COL24A1: variants seen among roughly 807,000 people sequenced by gnomAD.
COL24A1 encodes collagen alpha-1(XXIV) chain.
In COL24A1, 224 loss-of-function variants were observed where a neutral mutation model predicts 253.9. That is an observed-to-expected ratio of 0.88 (90% CI 0.79 to 0.99). The LOEUF is 0.99. COL24A1 is among the 50% of genes least tolerant of loss of function. The pLI, the probability that COL24A1 is intolerant of heterozygous loss-of-function variation, is 0.00. For missense variants in COL24A1, 2,131 were observed against 2,068.5 expected (o/e 1.03, Z -0.59); for synonymous variants, 685 against 673.7 (o/e 1.02, Z -0.26).
intron 24 of COL24A1, among the ~76,000 whole-genome samples, chr1:85,927,814 A>AGG (rs1175986937): frequency 8.5e-6 from 1 of 117,092 alleles, no homozygotes; most frequent in African/African-American, 3.3e-5. Flanking sequence ...ACCCCCCAGC[A>AGG]GGGGCACACT....
chr1:85,795,656 T>G (rs572641377), intron 47 of COL24A1, among the ~76,000 whole-genome samples: 1 of 152,236 alleles, frequency 6.6e-6, no homozygotes, highest in East Asian at 1.9e-4. Flanking sequence ...GTTTTTTCCT[T>G]TCTCTTCTGC....
intron 43 of COL24A1, among the ~76,000 whole-genome samples, chr1:85,827,668 G>A (rs1366840362): frequency 7.2e-5 from 11 of 151,872 alleles, no homozygotes; most frequent in Admixed American, 3.3e-4. Context: ...TGTATGTGTC[G>A]AGGAATTTAT....
At chr1:86,045,462 C>T (rs952897748) in intron 12 of COL24A1, among the ~76,000 whole-genome samples, 3 of 151,770 alleles carry the variant, frequency 2.0e-5, no homozygotes, top group Non-Finnish European at 4.4e-5. Context: ...GAAAACAAAC[C>T]ACCTATTGTT....
chr1:86,005,085 A>G (rs1357589689), intron 19 of COL24A1, among the ~76,000 whole-genome samples: 1 of 151,988 alleles, frequency 6.6e-6, no homozygotes, highest in Non-Finnish European at 1.5e-5. Flanking sequence ...GGAATGTAAA[A>G]TGGACAGTGA....
At chr1:86,040,190 A>G (rs1699353823) in intron 12 of COL24A1, among the ~76,000 whole-genome samples, 1 of 152,096 alleles carries the variant, frequency 6.6e-6, no homozygotes, top group Admixed American at 6.6e-5. Flanking sequence ...GTCCCACCTT[A>G]TTCTTGCCAT....
At chr1:86,144,811 C>A (rs1651651494) in intron 2 of COL24A1, among the ~76,000 whole-genome samples, 2 of 151,864 alleles carry the variant, frequency 1.3e-5, no homozygotes, top group African/African-American at 4.8e-5. Context: ...ATTACAAAAC[C>A]CTGTGATGAG....
chr1:85,821,908 G>A (rs1041015695), intron 45 of COL24A1, among the ~76,000 whole-genome samples: 2 of 152,182 alleles, frequency 1.3e-5, no homozygotes, highest in Admixed American at 1.3e-4. Flanking sequence ...AAATATGAAA[G>A]TATTAATTGT....
At chr1:85,758,471 A>G (rs1286393525) in intron 55 of COL24A1, among the ~76,000 whole-genome samples, 2 of 152,130 alleles carry the variant, frequency 1.3e-5, no homozygotes, top group Non-Finnish European at 2.9e-5. Context: ...TAACTTTGAC[A>G]TCATATGGCA....
At chr1:86,127,320 T>C (rs1056146756) in intron 2 of COL24A1, among the ~76,000 whole-genome samples, 1 of 152,134 alleles carries the variant, frequency 6.6e-6, no homozygotes, top group African/African-American at 2.4e-5. Flanking sequence ...TTATTATTCA[T>C]CGTAATATTA....
At chr1:86,044,208 A>C (rs1699727999) in intron 12 of COL24A1, among the ~76,000 whole-genome samples, 1 of 152,198 alleles carries the variant, frequency 6.6e-6, no homozygotes, top group Non-Finnish European at 1.5e-5. Context: ...GAAGTACAAG[A>C]ATCCTATGGT....
intron 5 of COL24A1, among the ~76,000 whole-genome samples, chr1:86,099,626 C>CTA (rs1284066619): frequency 4.6e-5 from 7 of 152,146 alleles, no homozygotes; most frequent in African/African-American, 1.7e-4. Context: ...CTCTTTCACA[C>CTA]TATATATGTA....
chr1:85,926,162 A>T (rs1325741347), intron 24 of COL24A1, among the ~76,000 whole-genome samples: 1 of 152,208 alleles, frequency 6.6e-6, no homozygotes, highest in African/African-American at 2.4e-5. Flanking sequence ...GATCATTAAA[A>T]AGTCAGGAAA....
intron 19 of COL24A1, among the ~76,000 whole-genome samples, chr1:85,997,652 A>T (rs1362742518): frequency 6.6e-6 from 1 of 151,806 alleles, no homozygotes; most frequent in Non-Finnish European, 1.5e-5. Context: ...GTGCGGTGAC[A>T]TGCGCCTGTA....
At chr1:86,115,609 G>T (rs1377970092) in intron 3 of COL24A1, among the ~76,000 whole-genome samples, 1 of 152,174 alleles carries the variant, frequency 6.6e-6, no homozygotes, top group African/African-American at 2.4e-5. Context: ...ATGACTTATG[G>T]TTACAGCCAC....
At chr1:85,738,620 T>C (rs545216904) in intron 57 of COL24A1, among the ~76,000 whole-genome samples, 1 of 152,376 alleles carries the variant, frequency 6.6e-6, no homozygotes, top group South Asian at 2.1e-4. Flanking sequence ...AAGGCAGCCC[T>C]GTTTTCCTGC....
At chr1:86,122,575 T>C (rs1647538351) in intron 3 of COL24A1, among the ~76,000 whole-genome samples, 1 of 152,034 alleles carries the variant, frequency 6.6e-6, no homozygotes, top group Non-Finnish European at 1.5e-5. Flanking sequence ...CTCCTAAAAT[T>C]GACTTTCCCT....
chr1:85,873,700 G>C (rs1680800754), intron 35 of COL24A1, among the ~76,000 whole-genome samples: 1 of 152,104 alleles, frequency 6.6e-6, no homozygotes, highest in Non-Finnish European at 1.5e-5. Flanking sequence ...GGAGGGGGAA[G>C]GGATAGCATT....
chr1:86,033,802 T>C, intron 13 of COL24A1, 68 bp downstream of exon 13: 1 of 1,320,696 alleles, frequency 7.6e-7, no homozygotes, highest in African/African-American at 1.5e-5. Flanking sequence ...TAATAAGGAC[T>C]GTAAGTGCAG....
chr1:86,088,862 T>A (rs1703269702), intron 7 of COL24A1, among the ~76,000 whole-genome samples: 1 of 119,884 alleles, frequency 8.3e-6, no homozygotes, highest in South Asian at 2.7e-4. Flanking sequence ...CAATATTCTA[T>A]CACTGACTTT....
Sources: gnomAD v4.1 joint callset for allele counts (sites outside exome capture counted in the v4.1 genomes callset) on GRCh38, gnomAD v4.1.1 for gene constraint, MANE v1.5 for transcripts, NCBI Gene and HGNC (gene_info 2026-07-23, HGNC 2026-07-21) for gene names.